RBFOX1: variants seen among roughly 807,000 people sequenced by gnomAD.
RBFOX1 encodes RNA binding protein fox-1 homolog 1.
Under a neutral mutation model 57.7 loss-of-function variants are expected in RBFOX1, and 8 were observed. That is an observed-to-expected ratio of 0.14 (90% CI 0.08 to 0.25). The LOEUF (loss-of-function observed/expected upper bound fraction) is 0.25. Ranked by LOEUF, RBFOX1 falls within the 10% of genes least tolerant of loss-of-function variation. The probability of loss-of-function intolerance (pLI) is 1.00; values close to 1 mark genes in which losing one functional copy is unlikely to be tolerated. For missense variants in RBFOX1, 611 were observed against 548.5 expected, an observed-to-expected ratio of 1.11 and a Z score of -1.14; for synonymous variants, 326 against 222.4, an observed-to-expected ratio of 1.47 and a Z score of -4.15.
intron 1 of RBFOX1, among the ~76,000 whole-genome samples, chr16:6,083,719 C>G (rs117003120): frequency 6.6e-6 from 1 of 152,088 alleles, no homozygotes; most frequent in African/African-American, 2.4e-5. Flanking sequence ...TCATGCGATC[C>G]TCCTACCTTG....
chr16:5,457,001 C>G (rs186381335), intron 1 of RBFOX1, among the ~76,000 whole-genome samples: 1 of 152,320 alleles, frequency 6.6e-6, no homozygotes, highest in African/African-American at 2.4e-5. Context: ...ATTTATTTCA[C>G]ACAGTTCTAA....
rs552065769 is a variant in RBFOX1, at chr16:6,536,161, C to T, written c.-63-118442C>T. ...CAAATCATCACAAGACCACAATCAT[C>T]ACAAGACTACAGTCTACCTCTTGTA... On this transcript the variant is annotated intron_variant, in intron 2 of 15. Coordinates refer to ENST00000550418, the MANE Select transcript of RBFOX1 (RefSeq NM_018723.4). 1.8e-4 allele frequency among the ~76,000 whole-genome samples: 27 copies of T among 152,298 alleles called. No homozygotes were observed. The South Asian group carries it at 3.9e-3, about 22-fold the overall frequency.
chr16:6,695,352 G>T lies in RBFOX1; in HGVS notation c.-16+40702G>T, dbSNP rs185460840. ...AATCGCTTGAACCCAACAGGTAGAG[G>T]TTGCAATTACCTGAGATTGCGCCGC... On this transcript the variant is annotated intron_variant, in intron 3 of 15. Transcript: ENST00000550418. Among the ~76,000 whole-genome samples the T allele has an allele frequency of 1.1e-4, 16 of 139,220 alleles. No homozygotes were observed. In the East Asian group the frequency reaches 1.9e-3, roughly 17 times the overall value. The allele number at this position is 139,220 out of a possible 152,430, so 91.3% of individuals were successfully genotyped here.
intron 1 of RBFOX1, among the ~76,000 whole-genome samples, chr16:5,250,365 C>T (rs1192939563): frequency 6.6e-6 from 1 of 152,072 alleles, no homozygotes; most frequent in African/African-American, 2.4e-5. Context: ...ATCAACCCAT[C>T]ATCTAGGTTT....
intron 3 of RBFOX1, among the ~76,000 whole-genome samples, chr16:6,792,945 C>G (rs1399319428): frequency 1.3e-5 from 2 of 151,226 alleles, no homozygotes; most frequent in Non-Finnish European, 2.9e-5. Context: ...CAGAGAATTG[C>G]TTGAACCCGT....
intron 4 of RBFOX1, among the ~76,000 whole-genome samples, chr16:7,363,207 T>A (rs986004155): frequency 1.3e-5 from 2 of 152,116 alleles, no homozygotes; most frequent in South Asian, 4.1e-4. Context: ...TCAGCCTCCA[T>A]CCTGAGTTCC....
At chr16:7,568,517 T>G (rs1306792727) in intron 5 of RBFOX1, among the ~76,000 whole-genome samples, 4 of 152,072 alleles carry the variant, frequency 2.6e-5, no homozygotes, top group Non-Finnish European at 5.9e-5. Flanking sequence ...TTGGCTGGCT[T>G]CTTTACCTGT....
At chr16:6,674,819 A>G (rs759396464) in intron 3 of RBFOX1, among the ~76,000 whole-genome samples, 4 of 152,154 alleles carry the variant, frequency 2.6e-5, no homozygotes, top group African/African-American at 9.7e-5. Flanking sequence ...ACAAGACCCT[A>G]TTAGGACTTT....
chr16:7,474,001 C>G (rs1398773945), intron 4 of RBFOX1, among the ~76,000 whole-genome samples: 1 of 152,080 alleles, frequency 6.6e-6, no homozygotes, highest in Admixed American at 6.5e-5. Context: ...TTAAAAACAG[C>G]CCCCCGGCCG....
chr16:7,410,626 A>G (rs1375855914), intron 4 of RBFOX1, among the ~76,000 whole-genome samples: 1 of 152,172 alleles, frequency 6.6e-6, no homozygotes, highest in Non-Finnish European at 1.5e-5. Context: ...GCAGTGAGCC[A>G]AGATTGTGCC....
intron 4 of RBFOX1, among the ~76,000 whole-genome samples, chr16:7,263,326 G>C (rs920322767): frequency 2.0e-5 from 3 of 152,206 alleles, no homozygotes; most frequent in South Asian, 4.1e-4. Flanking sequence ...AGGTAGACAT[G>C]CATGGGCCCT....
At chr16:6,854,587 A>ATGTTTTTTTTTTTTT (rs2057451646) in intron 3 of RBFOX1, among the ~76,000 whole-genome samples, 1 of 70,650 alleles carries the variant, frequency 1.4e-5, no homozygotes, top group Non-Finnish European at 2.6e-5. Context: ...GGAGAGGTGA[A>ATGTTTTTTTTTTTTT]TTTTTTTTTT....
intron 3 of RBFOX1, among the ~76,000 whole-genome samples, chr16:5,694,581 A>T (rs2050792088): frequency 6.6e-6 from 1 of 152,028 alleles, no homozygotes; most frequent in South Asian, 2.1e-4. Context: ...TTCCTGTTCC[A>T]CACTCTAAGA....
chr16:7,522,262 A>G (rs925750216), intron 5 of RBFOX1, among the ~76,000 whole-genome samples: 2 of 152,190 alleles, frequency 1.3e-5, no homozygotes, highest in Non-Finnish European at 2.9e-5. Context: ...GGTGTTAATC[A>G]AGAGTAGGGA....
At chr16:5,628,723 C>T (rs758454) in intron 3 of RBFOX1, among the ~76,000 whole-genome samples, 1 of 152,114 alleles carries the variant, frequency 6.6e-6, no homozygotes, top group Non-Finnish European at 1.5e-5. Context: ...ACATAGCAGT[C>T]TCTTGCTTTT....
At chr16:5,857,984 G>C (rs2057115181) in intron 3 of RBFOX1, among the ~76,000 whole-genome samples, 2 of 151,694 alleles carry the variant, frequency 1.3e-5, no homozygotes, top group Non-Finnish European at 2.9e-5. Flanking sequence ...ATATCATTTT[G>C]TGCTATAAGC....
intron 4 of RBFOX1, among the ~76,000 whole-genome samples, chr16:5,998,194 GA>G (rs2060523103): frequency 6.6e-6 from 1 of 152,144 alleles, no homozygotes; most frequent in African/African-American, 2.4e-5. Flanking sequence ...TTGTTCTGGG[GA>G]AAATTCATGA....
intron 12 of RBFOX1, among the ~76,000 whole-genome samples, chr16:7,664,146 A>G (rs1453355082): frequency 2.0e-5 from 3 of 152,234 alleles, no homozygotes; most frequent in Admixed American, 6.5e-5. Context: ...ACACAAATAC[A>G]TATAAATAAG....
chr16:7,426,360 A>C (rs1333915990), intron 4 of RBFOX1, among the ~76,000 whole-genome samples: 1 of 151,926 alleles, frequency 6.6e-6, no homozygotes, highest in Non-Finnish European at 1.5e-5. Context: ...ACCACTTAAC[A>C]CCCAGCTCTG....
Sources: gnomAD v4.1 joint callset for allele counts (sites outside exome capture counted in the v4.1 genomes callset) on GRCh38, gnomAD v4.1.1 for gene constraint, MANE v1.5 for transcripts, NCBI Gene and HGNC (gene_info 2026-07-23, HGNC 2026-07-21) for gene names.